Variants in TIMP3 observed in about 807,000 individuals in gnomAD.
The protein encoded by TIMP3 is TIMP metallopeptidase inhibitor 3, also known as metalloproteinase inhibitor 3.
A neutral mutation model predicts 30.0 loss-of-function variants in TIMP3; 11 were observed. That is an observed-to-expected ratio of 0.37 (90% CI 0.23 to 0.61). The LOEUF (loss-of-function observed/expected upper bound fraction) is 0.61. TIMP3 is among the 20% of genes least tolerant of loss of function. The pLI is 0.70. For synonymous variants in TIMP3, 112 were observed against 111.3 expected, an observed-to-expected ratio of 1.01 and a Z score of -0.04; for missense variants, 181 against 276.8, an observed-to-expected ratio of 0.65 and a Z score of 2.45.
At chr22:32,833,982 C>T (rs2047655634) in intron 1 of TIMP3, 2 of 461,624 alleles carry the variant, frequency 4.3e-6, no homozygotes, top group African/African-American at 2.0e-5. Context: ...TGACCATCCT[C>T]CTGCTTTCTG....
intron 1 of TIMP3, among the ~76,000 whole-genome samples, chr22:32,824,582 A>AAT (rs920957356): frequency 2.0e-5 from 3 of 152,090 alleles, no homozygotes; most frequent in African/African-American, 7.2e-5. Flanking sequence ...ATAATTAAAT[A>AAT]ATATATATAT....
intron 1 of TIMP3, among the ~76,000 whole-genome samples, chr22:32,819,716 A>T (rs911405810): frequency 6.6e-6 from 1 of 152,182 alleles, no homozygotes; most frequent in African/African-American, 2.4e-5. Flanking sequence ...GTCTCCCAGC[A>T]TATCTTTTGT....
Position 32,836,145 on chromosome 22 carries a change from T to C in TIMP3, c.122-13307T>C, listed in dbSNP as rs75181584. On this transcript the variant is annotated intron_variant, in intron 1 of 4. Coordinates refer to ENST00000266085, the MANE Select transcript of TIMP3 (RefSeq NM_000362.5). ...AGACTTGTTTTCTTCCTATACTCAG[T>C]GGAAATAAAGCTACACATTTTGGGG... is the stretch of plus-strand genomic sequence containing the variant. Among the ~76,000 whole-genome samples the C allele has an allele frequency of 3.9e-4, 60 of 152,326 alleles. No homozygotes were observed. In the East Asian group the frequency reaches 0.011, roughly 27 times the overall value.
chr22:32,824,063 G>A (rs1479154451), intron 1 of TIMP3, among the ~76,000 whole-genome samples: 1 of 152,134 alleles, frequency 6.6e-6, no homozygotes, highest in Admixed American at 6.5e-5. Context: ...CGGATCATGA[G>A]GTCAGGAGAT....
At chr22:32,852,598 G>A (rs2048251609) in intron 2 of TIMP3, among the ~76,000 whole-genome samples, 1 of 152,164 alleles carries the variant, frequency 6.6e-6, no homozygotes, top group African/African-American at 2.4e-5. Context: ...GGAACTTGGA[G>A]AACCTGAGAC....
intron 1 of TIMP3, among the ~76,000 whole-genome samples, chr22:32,847,281 G>T (rs192407499): frequency 6.6e-6 from 1 of 152,184 alleles, no homozygotes; most frequent in Non-Finnish European, 1.5e-5. Context: ...CTGGCTTGTC[G>T]CCGAGAATAC....
Position 32,847,265 on chromosome 22 carries a change from G to A in TIMP3, c.122-2187G>A, listed in dbSNP as rs758608167. Among the ~76,000 whole-genome samples, 6 of 152,188 alleles carry A rather than the reference G, an allele frequency of 3.9e-5. No homozygotes were observed. The East Asian group carries it at 7.7e-4, about 20-fold the overall frequency. ...GGAGGAAACAGTCCCCGGGGCCTCC[G>A]GGAGGCTGGCTTGTCGCCGAGAATA... On this transcript the variant is annotated intron_variant, in intron 1 of 4. Transcript: ENST00000266085.
At chr22:32,829,154 T>G (rs1159793168) in intron 1 of TIMP3, among the ~76,000 whole-genome samples, 2 of 152,148 alleles carry the variant, frequency 1.3e-5, no homozygotes, top group African/African-American at 4.8e-5. Flanking sequence ...AGCTCGGCAC[T>G]TCTTAGCAGC....
chr22:32,831,927 G>A (rs976901559), intron 1 of TIMP3, among the ~76,000 whole-genome samples: 2 of 152,192 alleles, frequency 1.3e-5, no homozygotes, highest in African/African-American at 4.8e-5. Flanking sequence ...TTGAGGCAAG[G>A]AGCTGAATAA....
intron 1 of TIMP3, among the ~76,000 whole-genome samples, chr22:32,820,313 C>A (rs1414362838): frequency 6.8e-6 from 1 of 146,472 alleles, no homozygotes; most frequent in African/African-American, 2.5e-5. Context: ...TGTTCTACTC[C>A]GTGTGTGTGT....
At chr22:32,816,935 T>C (rs1244066078) in intron 1 of TIMP3, among the ~76,000 whole-genome samples, 1 of 152,142 alleles carries the variant, frequency 6.6e-6, no homozygotes, top group African/African-American at 2.4e-5. Context: ...GAAATGTTCT[T>C]TGGAGCCGGG....
At chr22:32,841,345 G>A (rs775834208) in intron 1 of TIMP3, among the ~76,000 whole-genome samples, 10 of 152,212 alleles carry the variant, frequency 6.6e-5, no homozygotes, top group Non-Finnish European at 1.3e-4. Flanking sequence ...AAGGGATTGC[G>A]AGGAGGGGGA....
chr22:32,807,383 A>ATGT (rs1394973694), intron 1 of TIMP3, among the ~76,000 whole-genome samples: 1 of 107,734 alleles, frequency 9.3e-6, no homozygotes, highest in Non-Finnish European at 1.8e-5. Flanking sequence ...TATATAATAT[A>ATGT]TATTATATAT....
At chr22:32,808,812 C>T (rs1201089355) in intron 1 of TIMP3, among the ~76,000 whole-genome samples, 2 of 152,182 alleles carry the variant, frequency 1.3e-5, no homozygotes, top group Non-Finnish European at 2.9e-5. Flanking sequence ...TCTAGTAAAA[C>T]CCAAATTCTC....
chr22:32,858,213 C>T, intron 4 of TIMP3, 75 bp downstream of exon 4: 1 of 1,592,092 alleles, frequency 6.3e-7, no homozygotes, highest in South Asian at 1.1e-5. Context: ...TCCCAATGCA[C>T]TGGGTGCCAG....
At chr22:32,807,396 T>TATATATTATATATA (rs1430462684) in intron 1 of TIMP3, among the ~76,000 whole-genome samples, 91 of 105,584 alleles carry the variant, frequency 8.6e-4, no homozygotes, top group Middle Eastern at 4.1e-3. Context: ...TTATATATAA[T>TATATATTATATATA]ATATATATAT....
intron 1 of TIMP3, among the ~76,000 whole-genome samples, chr22:32,840,358 C>T (rs939251495): frequency 6.6e-6 from 1 of 152,046 alleles, no homozygotes; most frequent in Non-Finnish European, 1.5e-5. Flanking sequence ...CTGGCCTTGG[C>T]GTTGACATCA....
At chr22:32,844,336 A>G (rs150269599) in intron 1 of TIMP3, among the ~76,000 whole-genome samples, 4 of 152,304 alleles carry the variant, frequency 2.6e-5, no homozygotes, top group Middle Eastern at 3.4e-3. Flanking sequence ...CTCAATCCCA[A>G]TTGCCATTGG....
At chr22:32,819,093 A>AG (rs1274414687) in intron 1 of TIMP3, among the ~76,000 whole-genome samples, 3 of 152,366 alleles carry the variant, frequency 2.0e-5, no homozygotes, top group Admixed American at 1.3e-4. Context: ...CCACTTGGCC[A>AG]GGGGGTCACA....
Sources: gnomAD v4.1 joint callset for allele counts (sites outside exome capture counted in the v4.1 genomes callset) on GRCh38, gnomAD v4.1.1 for gene constraint, MANE v1.5 for transcripts, NCBI Gene and HGNC (gene_info 2026-07-23, HGNC 2026-07-21) for gene names.